CFAP99: variants seen among roughly 807,000 people sequenced by gnomAD.
The protein encoded by CFAP99 is cilia- and flagella-associated protein 99.
Under a neutral mutation model 82.7 loss-of-function variants are expected in CFAP99, and 84 were observed. The ratio of observed to expected loss-of-function variants is 1.02; its 90% CI spans 0.85 to 1.22. CFAP99 has a LOEUF of 1.22. Among genes scored for constraint, CFAP99 ranks in the 50% most tolerant of loss-of-function variants. CFAP99 has a pLI of 0.00. For synonymous variants in CFAP99, 456 were observed against 429.5 expected (o/e 1.06, Z -0.76); for missense variants, 1,059 against 983.5 (o/e 1.08, Z -1.03).
At chr4:2,460,610 A>G in intron 14 of CFAP99, among the ~76,000 whole-genome samples, 1 of 152,160 alleles carries the variant, frequency 6.6e-6, no homozygotes, top group Non-Finnish European at 1.5e-5. Context: ...TACATCTTCT[A>G]AAAAAATAGA....
At chr4:2,426,538 G>A (rs1425687822) in exon 2 of CFAP99, 6 of 1,535,918 alleles carry the variant, frequency 3.9e-6, no homozygotes, top group Non-Finnish European at 5.2e-6. Context: ...TTACACCCAA[G>A]AGGGACAACC....
intron 5 of CFAP99, among the ~76,000 whole-genome samples, chr4:2,444,071 T>TG (rs1467938364): frequency 6.6e-6 from 1 of 152,146 alleles, no homozygotes; most frequent in African/African-American, 2.4e-5. Context: ...GCCGTTCCTG[T>TG]GGGGAGAGGA....
At chr4:2,443,946 C>A (rs1734106311) in intron 5 of CFAP99, among the ~76,000 whole-genome samples, 2 of 152,126 alleles carry the variant, frequency 1.3e-5, no homozygotes, top group African/African-American at 2.4e-5. Flanking sequence ...TCTGATAGGA[C>A]TTGAAGGGAT....
intron 3 of CFAP99, among the ~76,000 whole-genome samples, 158 bp downstream of exon 3, chr4:2,437,176 T>C (rs539178373): frequency 6.6e-6 from 1 of 152,320 alleles, no homozygotes; most frequent in South Asian, 2.1e-4. Context: ...ACTTGGTCCT[T>C]ACCAGGCGGA....
At chr4:2,438,034 C>T (rs904163026) in intron 3 of CFAP99, 36 bp from the exon 4 acceptor site, 25 of 1,313,146 alleles carry the variant, frequency 1.9e-5, no homozygotes, top group African/African-American at 2.9e-5. Context: ...TGCCCCGTGA[C>T]GTCCCTTAGC....
At chr4:2,436,783 C>G in intron 2 of CFAP99, 91 bp from the exon 3 acceptor site, 1 of 1,080,142 alleles carries the variant, frequency 9.3e-7, no homozygotes, top group Non-Finnish European at 1.3e-6. Context: ...CGGGGCCGCT[C>G]CACCCCTGCC....
chr4:2,426,473 A>G (rs1345630588), exon 2 of CFAP99: 7 of 1,534,780 alleles, frequency 4.6e-6, no homozygotes, highest in Non-Finnish European at 6.1e-6. Context: ...CTGCCCTAAG[A>G]AGATGGCCTA....
In CFAP99 at chr4:2,462,572, G is replaced by A. The variant is rs564322331; in HGVS notation, c.1791G>A (p.Val597=). 2 of 1,437,480 alleles carry A rather than the reference G, an allele frequency of 1.4e-6. No homozygotes were observed. Among genetic ancestry groups the A allele is most frequent in the Non-Finnish European group, 1.8e-6 (2 of 1,099,170 alleles). The allele number at this position is 1,437,480 out of a possible 1,614,324, so 89.0% of individuals were successfully genotyped here. Residue 597 remains valine, a synonymous_variant, in exon 15 of 15, where the codon GTG becomes GTA. Transcript: ENST00000635017. The surrounding 1 kb of genome is among the most constrained non-coding windows in gnomAD (Gnocchi z 4.1). ...GCAGGCAGGCGGCCTTGCTGCACGT[G>A]TCGGCGCCGCGGACCGCGCGCCCCA...
exon 14 of CFAP99, chr4:2,460,085 G>A (rs1307960364): frequency 2.0e-6 from 3 of 1,536,084 alleles, no homozygotes; most frequent in Non-Finnish European, 2.6e-6. Flanking sequence ...GGAGCTGCGA[G>A]AGCGGCTGGC....
intron 2 of CFAP99, 124 bp downstream of exon 2, chr4:2,426,710 G>T (rs546469498): frequency 1.5e-6 from 1 of 679,122 alleles, no homozygotes; most frequent in Non-Finnish European, 2.6e-6. Flanking sequence ...GAAGCTGACC[G>T]TGTTTTCCAC....
intron 6 of CFAP99, among the ~76,000 whole-genome samples, chr4:2,447,417 G>A (rs577299607): frequency 7.3e-5 from 11 of 151,678 alleles, no homozygotes; most frequent in Admixed American, 6.6e-4. Flanking sequence ...GGGTGGGTGA[G>A]TGAATGGGTG....
rs144011004 is a variant in CFAP99 at position 2,453,431 on chromosome 4, G to A, written c.1161+1085G>A. The stretch of plus-strand genomic sequence containing the variant: ...CAGGAGTCCTTGCCGTTTGGGACGC[G>A]TGGTTTTACTAAATATGGCCAATCG... On this transcript the variant is annotated intron_variant, in intron 11 of 14. Coordinates refer to ENST00000635017, the Ensembl canonical transcript of CFAP99. Among the ~76,000 whole-genome samples the A allele has an allele frequency of 1.6e-4, 24 of 152,276 alleles. No individual in the cohort carries two copies. In the East Asian group the frequency reaches 4.2e-3, roughly 27 times the overall value.
At chr4:2,443,109 G>A in intron 4 of CFAP99, 21 bp from the exon 5 acceptor site, 1 of 1,393,462 alleles carries the variant, frequency 7.2e-7, no homozygotes, top group Non-Finnish European at 9.8e-7. Context: ...CCGGCCCCCT[G>A]ACAGCCCCCG....
chr4:2,462,475 C>G lies in CFAP99; in HGVS notation c.1694C>G (p.Pro565Arg), dbSNP rs1490640061. ...GAAAAGAAGGCCCTTGCGGCGGCCC[C>G]GGCGGCGCCCTCGCAGGACGAGCGC... is the stretch of plus-strand genomic sequence containing the variant. Residue 565 changes from proline (P) to arginine (R), a missense_variant, in exon 15 of 15, where the codon CCG becomes CGG. Transcript: ENST00000635017. This position sits in a 1 kb window ranked among gnomAD's most constrained non-coding sequence, Gnocchi z 4.1. 2 of 1,470,120 alleles carry G rather than the reference C, an allele frequency of 1.4e-6. No homozygotes were observed. The highest frequency in any genetic ancestry group is 1.8e-6 in the Non-Finnish European group (2 of 1,120,774). The allele number at this position is 1,470,120 out of a possible 1,614,324, so 91.1% of individuals were successfully genotyped here.
chr4:2,435,784 C>T (rs1001179778), intron 2 of CFAP99, among the ~76,000 whole-genome samples: 1 of 151,838 alleles, frequency 6.6e-6, no homozygotes, highest in African/African-American at 2.4e-5. Flanking sequence ...ATGAGCCAGG[C>T]ATGGTGGTGT....
Position 2,458,877 on chromosome 4 carries a change from C to T in CFAP99, c.1303+13C>T, listed in dbSNP as rs1734502769. ...CGACAGCAGACAGGTAGTCAGGAGC[C>T]AGATGTCACTGGCCCTACCCCGCTC... On this transcript the variant is annotated intron_variant, in intron 12 of 14. Coordinates refer to ENST00000635017, the Ensembl canonical transcript of CFAP99. 6.5e-7 allele frequency: 1 copy of T among 1,531,948 alleles called. No individual in the cohort carries two copies. Among genetic ancestry groups the T allele is most frequent in the African/African-American group, 1.4e-5 (1 of 73,016 alleles). The allele number at this position is 1,531,948 out of a possible 1,614,324, so 94.9% of individuals were successfully genotyped here. A position where few individuals can be genotyped will look rare whatever the true frequency, so the allele number is the denominator to read the frequency against.
In CFAP99 at chr4:2,462,804, C is replaced by T; in HGVS notation, c.2023C>T (p.Leu675=). The change falls in exon 15 of 15, where the codon CTG becomes TTG. Residue 675 remains leucine, a synonymous_variant. Transcript: ENST00000635017. The surrounding 1 kb of genome is among the most constrained non-coding windows in gnomAD (Gnocchi z 4.1). ...TGCCCGCGCCGACGCGTTCCCCGGC[C>T]TGCAGGCGCAGCTAGAGGCGCAGCA... The T allele has an allele frequency of 1.5e-6, 2 of 1,311,556 alleles. 1 individual carries two copies. The highest frequency in any genetic ancestry group is 1.9e-6 in the Non-Finnish European group (2 of 1,033,382). 81.2% of individuals were successfully genotyped at this position (1,311,556 alleles called of 1,614,324 possible). A position where few individuals can be genotyped will look rare whatever the true frequency, so the allele number is the denominator to read the frequency against.
chr4:2,435,766 A>G (rs1733893566), intron 2 of CFAP99, among the ~76,000 whole-genome samples: 1 of 152,180 alleles, frequency 6.6e-6, no homozygotes, highest in African/African-American at 2.4e-5. Context: ...TTTACAAAAA[A>G]TTAAAAAATG....
In CFAP99 at chr4:2,459,148, AG is replaced by A. The variant is rs1289920439; in HGVS notation, c.1348del (p.Ala450ArgfsTer34). 1 of 1,534,610 alleles carries A rather than the reference AG, an allele frequency of 6.5e-7. No individual in the cohort carries two copies. The highest frequency in any genetic ancestry group is 1.2e-5 in the South Asian group (1 of 83,972). ...GGAGAGCAGGGGGCTGCTGCAGCGC[AG>A]GGCGCAGGCAGCCCAGGAGGAGCAG... On this transcript the variant is annotated frameshift_variant, in exon 13 of 15. Transcript: ENST00000635017. LOFTEE classifies it high-confidence loss of function.
Sources: gnomAD v4.1 joint callset for allele counts (sites outside exome capture counted in the v4.1 genomes callset) on GRCh38, gnomAD v4.1.1 for gene constraint, Gnocchi (gnomAD v3.1) non-coding constraint, MANE v1.5 for transcripts, NCBI Gene and HGNC (gene_info 2026-07-23, HGNC 2026-07-21) for gene names.